Variants in SHISAL2B observed in about 807,000 individuals in gnomAD.
SHISAL2B encodes shisa like 2B, also known as protein shisa-like-2B.
A neutral mutation model predicts 16.5 loss-of-function variants in SHISAL2B; 12 were observed. That is an observed-to-expected ratio of 0.73 (90% CI 0.47 to 1.18). SHISAL2B has a LOEUF of 1.18. Ranked by LOEUF, SHISAL2B falls within the 50% of genes most tolerant of loss-of-function variation. SHISAL2B has a pLI of 0.00. For missense variants in SHISAL2B, 183 were observed against 193.6 expected (o/e 0.95, Z 0.33); for synonymous variants, 72 against 75.0 (o/e 0.96, Z 0.21).
At chr5:64,712,404 C>T (rs372987597) in intron 2 of SHISAL2B, among the ~76,000 whole-genome samples, 3 of 152,206 alleles carry the variant, frequency 2.0e-5, no homozygotes, top group Non-Finnish European at 4.4e-5. Context: ...GTCTGAGAGA[C>T]AGTTTGTTAT....
chr5:64,716,126 A>T (rs1742046249), intron 2 of SHISAL2B, among the ~76,000 whole-genome samples: 1 of 152,182 alleles, frequency 6.6e-6, no homozygotes, highest in African/African-American at 2.4e-5. Flanking sequence ...TTTCCTTCTG[A>T]CTAGCAAGAT....
intron 2 of SHISAL2B, among the ~76,000 whole-genome samples, chr5:64,715,337 T>A (rs1742030690): frequency 6.6e-6 from 1 of 151,054 alleles, no homozygotes; most frequent in Non-Finnish European, 1.5e-5. Flanking sequence ...TGCTATATGG[T>A]GAAAAGAAGA....
intron 2 of SHISAL2B, among the ~76,000 whole-genome samples, chr5:64,705,075 T>C (rs976847810): frequency 1.3e-5 from 2 of 152,164 alleles, no homozygotes; most frequent in African/African-American, 4.8e-5. Flanking sequence ...TCAAAAAAAA[T>C]CTTTGTACTT....
At chr5:64,697,921 T>A (rs1439544358) in intron 2 of SHISAL2B, among the ~76,000 whole-genome samples, 1 of 152,208 alleles carries the variant, frequency 6.6e-6, no homozygotes, top group Non-Finnish European at 1.5e-5. Context: ...GTAGAGGAGA[T>A]CTCTCAGAGG....
chr5:64,714,995 C>G (rs893446153), intron 2 of SHISAL2B, among the ~76,000 whole-genome samples: 1 of 152,110 alleles, frequency 6.6e-6, no homozygotes, highest in African/African-American at 2.4e-5. Context: ...AGAAATCACC[C>G]GTCTTCTGCG....
intron 2 of SHISAL2B, among the ~76,000 whole-genome samples, chr5:64,696,582 C>T (rs755255628): frequency 5.9e-5 from 9 of 152,072 alleles, no homozygotes; most frequent in Non-Finnish European, 1.2e-4. Context: ...GAATGCATTC[C>T]TGGGGGGAGG....
intron 2 of SHISAL2B, among the ~76,000 whole-genome samples, chr5:64,715,004 C>T (rs772150104): frequency 3.9e-5 from 6 of 152,110 alleles, no homozygotes; most frequent in African/African-American, 7.2e-5. Flanking sequence ...CCGTCTTCTG[C>T]GTCGCTCACG....
Position 64,691,040 on chromosome 5 carries a change from C to A in SHISAL2B, c.191+226C>A, listed in dbSNP as rs6870970. On this transcript the variant is annotated intron_variant, in intron 1 of 2. Coordinates refer to ENST00000389074, the MANE Select transcript of SHISAL2B (RefSeq NM_001164442.2). Reference sequence around the variant, plus strand: ...GAGCCAGGACAGGAGGCGAGGCGCACGCTGGAGGAGCGCGGGCTTTGCGCC... The same window carrying A: ...GAGCCAGGACAGGAGGCGAGGCGCAAGCTGGAGGAGCGCGGGCTTTGCGCC... Among the ~76,000 whole-genome samples the A allele has an allele frequency of 2.3e-3, 357 of 152,342 alleles. 2 individuals are homozygous for A. Among genetic ancestry groups the A allele is most frequent in the African/African-American group, 8.2e-3 (340 of 41,598 alleles).
intron 2 of SHISAL2B, among the ~76,000 whole-genome samples, chr5:64,707,856 A>G (rs1291061700): frequency 6.6e-6 from 1 of 152,198 alleles, no homozygotes; most frequent in Non-Finnish European, 1.5e-5. Flanking sequence ...CCTGTTTGAT[A>G]TTCGTGAACA....
At chr5:64,708,212 T>C (rs1300017897) in intron 2 of SHISAL2B, among the ~76,000 whole-genome samples, 2 of 152,170 alleles carry the variant, frequency 1.3e-5, no homozygotes, top group Admixed American at 1.3e-4. Flanking sequence ...CAAACACCAT[T>C]TCATATTTGA....
At chr5:64,702,929 T>A (rs545334715) in intron 2 of SHISAL2B, among the ~76,000 whole-genome samples, 294 of 152,330 alleles carry the variant, frequency 1.9e-3, no homozygotes, top group African/African-American at 6.7e-3. Flanking sequence ...ATTGATCCAT[T>A]TGTTTATTTT....
intron 1 of SHISAL2B, among the ~76,000 whole-genome samples, chr5:64,692,313 C>G (rs1741662650): frequency 6.6e-6 from 1 of 152,124 alleles, no homozygotes; most frequent in East Asian, 1.9e-4. Context: ...AAGTGACAAG[C>G]AATAGAGGAC....
At chr5:64,702,625 T>C (rs1394684354) in intron 2 of SHISAL2B, among the ~76,000 whole-genome samples, 1 of 152,152 alleles carries the variant, frequency 6.6e-6, no homozygotes, top group Non-Finnish European at 1.5e-5. Flanking sequence ...ATAATATAGT[T>C]ACCTATATTT....
chr5:64,693,271 T>C (rs1221577479), intron 1 of SHISAL2B, among the ~76,000 whole-genome samples: 1 of 152,128 alleles, frequency 6.6e-6, no homozygotes, highest in Admixed American at 6.5e-5. Context: ...CCTCCCAAAG[T>C]GCTAGGATTA....
chr5:64,698,527 T>C (rs943791459), intron 2 of SHISAL2B, among the ~76,000 whole-genome samples: 1 of 152,186 alleles, frequency 6.6e-6, no homozygotes, highest in East Asian at 1.9e-4. Flanking sequence ...CCCTCAGATA[T>C]CTGCATGACT....
intron 2 of SHISAL2B, among the ~76,000 whole-genome samples, chr5:64,700,165 G>T (rs548571682): frequency 6.6e-6 from 1 of 152,288 alleles, no homozygotes; most frequent in South Asian, 2.1e-4. Context: ...CTCTGAGGGT[G>T]AGGGCTCATT....
At chr5:64,690,977 A>G (rs915671817) in intron 1 of SHISAL2B, among the ~76,000 whole-genome samples, 163 bp downstream of exon 1, 2 of 152,214 alleles carry the variant, frequency 1.3e-5, no homozygotes, top group African/African-American at 4.8e-5. Flanking sequence ...GGGTGAGGGC[A>G]GGGAGAGAAA....
intron 2 of SHISAL2B, among the ~76,000 whole-genome samples, chr5:64,716,827 A>T (rs753880609): frequency 3.3e-5 from 5 of 152,206 alleles, no homozygotes; most frequent in Admixed American, 3.3e-4. Context: ...AGGCCACTGT[A>T]TAAGACTTGG....
In SHISAL2B at chr5:64,715,889, A is replaced by G. The variant is rs180928096; in HGVS notation, c.350-2000A>G. 1.4e-3 allele frequency among the ~76,000 whole-genome samples: 208 copies of G among 152,270 alleles called. 1 individual carries two copies. Among genetic ancestry groups the G allele is most frequent in the African/African-American group, 4.8e-3 (201 of 41,560 alleles). On this transcript the variant is annotated intron_variant, in intron 2 of 2. Coordinates refer to ENST00000389074, the MANE Select transcript of SHISAL2B (RefSeq NM_001164442.2). Reference sequence around the variant, plus strand: ...ATTTAAGGTACTTTCATTTCTTGGTATTTAAAATAACCAGTGAAGAAGATG... The same window carrying G: ...ATTTAAGGTACTTTCATTTCTTGGTGTTTAAAATAACCAGTGAAGAAGATG...
Sources: gnomAD v4.1 joint callset for allele counts (sites outside exome capture counted in the v4.1 genomes callset) on GRCh38, gnomAD v4.1.1 for gene constraint, MANE v1.5 for transcripts, NCBI Gene and HGNC (gene_info 2026-07-23, HGNC 2026-07-21) for gene names.